CCNI2: variants seen among roughly 807,000 people sequenced by gnomAD.
CCNI2 encodes cyclin I family member 2.
CCNI2 carries 32 observed loss-of-function variants against 33.2 expected under a neutral mutation model. The observed-to-expected ratio is 0.96, with a 90% CI of 0.73 to 1.30. The LOEUF is 1.30. CCNI2 is among the 50% of genes most tolerant of loss of function. The pLI is 0.00. For synonymous variants in CCNI2, 231 were observed against 219.9 expected (o/e 1.05, Z -0.45); for missense variants, 452 against 486.2 (o/e 0.93, Z 0.66).
intron 3 of CCNI2, 53 bp from the exon 4 acceptor site, chr5:132,750,804 A>G: frequency 6.3e-7 from 1 of 1,582,240 alleles, no homozygotes. Context: ...TAAGAAAACA[A>G]AAGCTACTAT....
chr5:132,749,410 T>C lies in CCNI2; in HGVS notation c.621T>C (p.Asn207=), dbSNP rs774619994. 1.2e-6 allele frequency: 2 copies of C among 1,614,078 alleles called. No individual in the cohort carries two copies. Among genetic ancestry groups the C allele is most frequent in the Non-Finnish European group, 1.7e-6 (2 of 1,179,958 alleles). ...ITSLRLAAKV[N]EEEEFIPQVK... ...CCTTGAGGCTCGCTGCAAAAGTTAA[T>C]GAAGAAGAGGAGGTATGCATCCTTG... The change falls in exon 3 of 6, where the codon AAT becomes AAC. Residue 207 remains asparagine, a synonymous_variant. Transcript: ENST00000378731.
At position 132,748,253 on chromosome 5, in the gene CCNI2, C is replaced by A. The variant is rs1192519278; in HGVS notation, c.430-94C>A. 1.1e-5 allele frequency: 17 copies of A among 1,518,558 alleles called. No individual in the cohort carries two copies. In the East Asian group the frequency reaches 3.2e-4, roughly 29 times the overall value. 94.1% of individuals were successfully genotyped at this position (1,518,558 alleles called of 1,614,324 possible). Reference sequence around the variant, plus strand: ...GAGGAAGGGACTTCTCACTGCCCCACCCCCCGCACCTTAAGCAGGAGGCTC... The same window carrying A: ...GAGGAAGGGACTTCTCACTGCCCCAACCCCCGCACCTTAAGCAGGAGGCTC... On this transcript the variant is annotated intron_variant, in intron 1 of 5. Transcript: ENST00000378731.
chr5:132,752,865 G>C lies in CCNI2; in HGVS notation c.1006-1G>C, dbSNP rs775192460. ...AAGATGGCCACTCTATTCTAATACA[G>C]GTTGGTGATATGCAGTACAGCTGCT... On this transcript the variant is annotated splice_acceptor_variant, in intron 5 of 5. Coordinates refer to ENST00000378731, the MANE Select transcript of CCNI2 (RefSeq NM_001039780.4). LOFTEE classifies it high-confidence loss of function. The C allele has an allele frequency of 2.5e-6, 4 of 1,613,076 alleles. No homozygotes were observed. The highest frequency in any genetic ancestry group is 3.4e-6 in the Non-Finnish European group (4 of 1,179,234).
chr5:132,747,999 C>G lies in CCNI2; in HGVS notation c.429+75C>G, dbSNP rs2149933160. On this transcript the variant is annotated intron_variant, in intron 1 of 5. Coordinates refer to ENST00000378731, the MANE Select transcript of CCNI2 (RefSeq NM_001039780.4). This position sits in a 1 kb window ranked among gnomAD's most constrained non-coding sequence, Gnocchi z 4.1. Reference sequence around the variant, plus strand: ...TGTGGCCTCCACCTGCACCCGCGCTCGGGTGTTCTGAAACTGGAGGCCGGG... The same window carrying G: ...TGTGGCCTCCACCTGCACCCGCGCTGGGGTGTTCTGAAACTGGAGGCCGGG... 2 of 1,330,212 alleles carry G rather than the reference C, an allele frequency of 1.5e-6. No homozygotes were observed. The highest frequency in any genetic ancestry group is 1.9e-6 in the Non-Finnish European group (2 of 1,033,070). 82.4% of individuals were successfully genotyped at this position (1,330,212 alleles called of 1,614,324 possible).
chr5:132,755,627 C>T (rs953183109), downstream of CCNI2, among the ~76,000 whole-genome samples: 4 of 152,128 alleles, frequency 2.6e-5, no homozygotes, highest in African/African-American at 9.7e-5. Flanking sequence ...TAATATGGTT[C>T]CGAGCAGTCC....
chr5:132,749,342 C>G lies in CCNI2; in HGVS notation c.559-6C>G. 6.2e-7 allele frequency: 1 copy of G among 1,609,736 alleles called. No homozygotes were observed. Among genetic ancestry groups the G allele is most frequent in the Non-Finnish European group, 8.5e-7 (1 of 1,175,958 alleles). On this transcript the variant is annotated splice_region_variant and splice_polypyrimidine_tract_variant and intron_variant, in intron 2 of 5. Transcript: ENST00000378731. ...TCTGCTCAAATGTGTTTGTTCCATA[C>G]TGCAGGTAAAAGAGAAATACCTGCA...
At position 132,747,459 on chromosome 5, in the gene CCNI2, T is replaced by C; in HGVS notation, c.-37T>C. The C allele has an allele frequency of 7.1e-7, 1 of 1,402,582 alleles. No homozygotes were observed. Among genetic ancestry groups the C allele is most frequent in the South Asian group, 1.5e-5 (1 of 64,548 alleles). The allele number at this position is 1,402,582 out of a possible 1,614,324, so 86.9% of individuals were successfully genotyped here. On this transcript the variant is annotated 5_prime_UTR_variant, in exon 1 of 6. Transcript: ENST00000378731. This position sits in a 1 kb window ranked among gnomAD's most constrained non-coding sequence, Gnocchi z 4.1. The stretch of plus-strand genomic sequence containing the variant: ...GGGAGCTGGGTTATAAAATGCCGGG[T>C]TAAGCGGCAACTCAGACTCAGGATC...
At chr5:132,749,303 T>A in intron 2 of CCNI2, 45 bp from the exon 3 acceptor site, 1 of 1,441,488 alleles carries the variant, frequency 6.9e-7, no homozygotes, top group Non-Finnish European at 9.8e-7. Context: ...TCAGTTTGTT[T>A]CTGGCATTCA....
chr5:132,749,068 C>T (rs926254836), intron 2 of CCNI2, among the ~76,000 whole-genome samples: 1 of 152,126 alleles, frequency 6.6e-6, no homozygotes, highest in Non-Finnish European at 1.5e-5. Flanking sequence ...CCATCCTGGC[C>T]AGCATGGTGA....
At chr5:132,748,281 G>C (rs765286137) in intron 1 of CCNI2, 66 bp from the exon 2 acceptor site, 96 of 1,591,306 alleles carry the variant, frequency 6.0e-5, no homozygotes, top group Non-Finnish European at 7.2e-5. Flanking sequence ...GGAGGCTCCT[G>C]CTGCTGGGGG....
rs1754647593 is a variant in CCNI2, at chr5:132,747,669, G to A, written c.174G>A (p.Gly58=). 1 of 1,502,772 alleles carries A rather than the reference G, an allele frequency of 6.7e-7. No homozygotes were observed. Among genetic ancestry groups the A allele is most frequent in the East Asian group, 2.7e-5 (1 of 36,400 alleles). 93.1% of individuals were successfully genotyped at this position (1,502,772 alleles called of 1,614,324 possible). A position where few individuals can be genotyped will look rare whatever the true frequency, so the allele number is the denominator to read the frequency against. The change falls in exon 1 of 6, where the codon GGG becomes GGA. Residue 58 remains glycine, a synonymous_variant. Transcript: ENST00000378731. The surrounding 1 kb of genome is among the most constrained non-coding windows in gnomAD (Gnocchi z 4.1). Reference sequence around the variant, plus strand: ...GAAGCAACCGGAGCAGGTGCCCTGGGACCCGCCAGCCCGGAGCGGCCTCCC... The same window carrying A: ...GAAGCAACCGGAGCAGGTGCCCTGGAACCCGCCAGCCCGGAGCGGCCTCCC... ...LPRSNRSRCP[G]TRQPGAASLH... is the part of the protein sequence containing the mutation.
At chr5:132,750,723 C>T (rs997014953) in intron 3 of CCNI2, 134 bp from the exon 4 acceptor site, 8 of 863,576 alleles carry the variant, frequency 9.3e-6, no homozygotes, top group Admixed American at 8.1e-5. Context: ...GTATTTCTTT[C>T]AGAAGCATTT....
chr5:132,752,366 A>G (rs185936814), intron 5 of CCNI2, among the ~76,000 whole-genome samples, 170 bp downstream of exon 5: 3 of 152,248 alleles, frequency 2.0e-5, no homozygotes, highest in East Asian at 3.9e-4. Flanking sequence ...GTCACGCTCT[A>G]TGCACTTGAG....
At chr5:132,754,595 T>C, downstream of CCNI2, 2 of 709,860 alleles carry the variant, frequency 2.8e-6, no homozygotes, top group South Asian at 3.0e-5. Flanking sequence ...TGGCTTTCTA[T>C]AAATGATAGA....
downstream of CCNI2, chr5:132,754,457 C>T (rs560635007): frequency 1.4e-6 from 1 of 717,360 alleles, no homozygotes; most frequent in African/African-American, 1.7e-5. Flanking sequence ...TGGAAGACAT[C>T]TGCTGCTTAA....
At chr5:132,751,872 C>T (rs1754870980) in intron 4 of CCNI2, 94 bp from the exon 5 acceptor site, 1 of 1,403,780 alleles carries the variant, frequency 7.1e-7, no homozygotes, top group Non-Finnish European at 9.7e-7. Context: ...ATTTGATGTT[C>T]CCTGATGGAA....
rs1461244402 is a variant in CCNI2 at position 132,753,034 on chromosome 5, T to C, written c.*64T>C. 32 of 1,290,438 alleles carry C rather than the reference T, an allele frequency of 2.5e-5. No homozygotes were observed. The highest frequency in any genetic ancestry group is 2.3e-4 in the South Asian group (19 of 83,278). The allele number at this position is 1,290,438 out of a possible 1,614,324, so 79.9% of individuals were successfully genotyped here. ...TGAAACCTCCTTGCTTGGACTACCA[T>C]GAGTTCTTTGGCTTGTTATGAATCC... On this transcript the variant is annotated 3_prime_UTR_variant, in exon 6 of 6. Transcript: ENST00000378731.
At chr5:132,749,258 A>C (rs1754707000) in intron 2 of CCNI2, 90 bp from the exon 3 acceptor site, 4 of 1,102,818 alleles carry the variant, frequency 3.6e-6, no homozygotes, top group Non-Finnish European at 5.5e-6. Context: ...TCCATGTCAA[A>C]AAAGTGTATA....
In CCNI2 at chr5:132,749,344, G is replaced by C. The variant is rs756258533; in HGVS notation, c.559-4G>C. 1.2e-6 allele frequency: 2 copies of C among 1,611,756 alleles called. No homozygotes were observed. Among genetic ancestry groups the C allele is most frequent in the Non-Finnish European group, 1.7e-6 (2 of 1,177,842 alleles). On this transcript the variant is annotated splice_region_variant and splice_polypyrimidine_tract_variant and intron_variant, in intron 2 of 5. Transcript: ENST00000378731. Reference sequence around the variant, plus strand: ...TGCTCAAATGTGTTTGTTCCATACTGCAGGTAAAAGAGAAATACCTGCATT... The same window carrying C: ...TGCTCAAATGTGTTTGTTCCATACTCCAGGTAAAAGAGAAATACCTGCATT...
Sources: gnomAD v4.1 joint callset for allele counts (sites outside exome capture counted in the v4.1 genomes callset) on GRCh38, gnomAD v4.1.1 for gene constraint, Gnocchi (gnomAD v3.1) non-coding constraint, MANE v1.5 for transcripts, NCBI Gene and HGNC (gene_info 2026-07-23, HGNC 2026-07-21) for gene names.